The following MUC4 variants were observed in gnomAD, a reference collection of about 807,000 sequenced individuals.
MUC4 encodes the protein mucin 4, cell surface associated.
MUC4 carries 202 observed loss-of-function variants against 257.9 expected under a neutral mutation model. The observed-to-expected ratio is 0.78, with a 90% CI of 0.70 to 0.88. The LOEUF is 0.88. Among genes scored for constraint, MUC4 ranks in the 40% least tolerant of loss-of-function variants. The pLI is 0.00. For missense variants in MUC4, 5,976 were observed against 6,513.7 expected (o/e 0.92, Z 2.84); for synonymous variants, 2,351 against 2,757.1 (o/e 0.85, Z 4.62).
In MUC4 at chr3:195,780,121, C is replaced by A. The variant is rs749430077; in HGVS notation, c.11459G>T (p.Gly3820Val). ...GGTGACAGGAAGAGGGGTGGTGTCA[C>A]CTGTGGATACTGAGGAAAGGCTGGT... The part of the protein sequence containing the change: ...PVTSLSSVST[G>V]DTTPLPVTDA... The change falls in exon 2 of 25, where the codon GGT becomes GTT. Residue 3820 changes from glycine (G) to valine (V), a missense_variant. Physicochemically the swap from Gly to Val is moderately radical, Grantham distance 109. Transcript: ENST00000463781. The A allele has an allele frequency of 6.8e-7, 1 of 1,464,996 alleles. No individual in the cohort carries two copies. Among genetic ancestry groups the A allele is most frequent in the South Asian group, 1.2e-5 (1 of 80,452 alleles). The allele number at this position is 1,464,996 out of a possible 1,614,324, so 90.7% of individuals were successfully genotyped here. A position where few individuals can be genotyped will look rare whatever the true frequency, so the allele number is the denominator to read the frequency against.
Position 195,790,066 on chromosome 3 carries a change from A to G in MUC4, c.1514T>C (p.Leu505Pro), listed in dbSNP as rs1733667544. The G allele has an allele frequency of 6.2e-7, 1 of 1,614,048 alleles. No homozygotes were observed. The highest frequency in any genetic ancestry group is 8.5e-7 in the Non-Finnish European group (1 of 1,179,884). The change falls in exon 2 of 25, where the codon CTG (leucine) becomes CCG (proline). Residue 505 changes from leucine (L) to proline (P), a missense_variant. Physicochemically the swap from Leu to Pro is moderately conservative, Grantham distance 98 (BLOSUM62 -3). Around this residue, in one of 44 missense-constraint regions of MUC4, gnomAD observed 1,583 missense variants for 1,257.4 expected, o/e 1.26. Coordinates refer to ENST00000463781, the MANE Select transcript of MUC4 (RefSeq NM_018406.7). ...GGCAGCACCTGTTGATGTTGAGGGC[A>G]GTTCTGTTTGTGACCAAGTTGTGTG... ...KGHTTWSQTE[L>P]PSTSTGAATR...
At chr3:195,777,883 A>AGT (rs1725303216) in intron 3 of MUC4, among the ~76,000 whole-genome samples, 1 of 90,562 alleles carries the variant, frequency 1.1e-5, no homozygotes, top group Non-Finnish European at 2.6e-5. Flanking sequence ...TACCTTCCAC[A>AGT]CCCATACCTT....
intron 16 of MUC4, among the ~76,000 whole-genome samples, chr3:195,760,059 A>G (rs1375038586): frequency 6.6e-6 from 1 of 152,046 alleles, no homozygotes; most frequent in African/African-American, 2.4e-5. Context: ...GTTGCTTCAC[A>G]CATTCATTCA....
chr3:195,751,841 A>G (rs1716512578), intron 21 of MUC4: 1 of 193,210 alleles, frequency 5.2e-6, no homozygotes. Flanking sequence ...TTAAACGGTG[A>G]TACGGCCTGT....
At chr3:195,753,026 G>T (rs367944655) in intron 20 of MUC4, 25 bp downstream of exon 20, 25 of 1,600,660 alleles carry the variant, frequency 1.6e-5, no homozygotes, top group African/African-American at 2.7e-5. Flanking sequence ...GTGCGGGGGT[G>T]AGAGGGCGGG....
intron 22 of MUC4, 32 bp downstream of exon 22, chr3:195,751,175 C>A (rs1716357280): frequency 1.3e-6 from 2 of 1,555,612 alleles, no homozygotes; most frequent in Non-Finnish European, 1.7e-6. Flanking sequence ...AGGAAGAGAT[C>A]TGGGGGCTTA....
chr3:195,771,919 T>TTTAGAGATGCTAACAACCCC (rs1722964410), intron 4 of MUC4, 103 bp from the exon 5 acceptor site: 4 of 1,297,112 alleles, frequency 3.1e-6, no homozygotes. Context: ...AGGGTAGAGC[T>TTTAGAGATGCTAACAACCCC]TTAGAGATGC....
intron 1 of MUC4, among the ~76,000 whole-genome samples, chr3:195,797,684 T>C (rs1734733645): frequency 6.6e-6 from 1 of 152,240 alleles, no homozygotes; most frequent in African/African-American, 2.4e-5. Flanking sequence ...TACAGAAATG[T>C]GATTTTGGGT....
Position 195,781,539 on chromosome 3 carries a change from G to T in MUC4, c.10041C>A (p.Val3347=), listed in dbSNP as rs543845438. 2.0e-5 allele frequency: 26 copies of T among 1,332,564 alleles called. No individual in the cohort carries two copies. Among genetic ancestry groups the T allele is most frequent in the Non-Finnish European group, 2.2e-5 (22 of 982,152 alleles). The allele number at this position is 1,332,564 out of a possible 1,614,324, so 82.5% of individuals were successfully genotyped here. A position where few individuals can be genotyped will look rare whatever the true frequency, so the allele number is the denominator to read the frequency against. ...CTGTGGATACTGAGGAAGTGTCGGT[G>T]ACAGGCACAGGGGTGGTGTCACCTG... The part of the protein sequence containing the change: ...ASTGDTTPVP[V]TDTSSVSTGH... The change falls in exon 2 of 25, where the codon GTC becomes GTA. Residue 3347 remains valine, a synonymous_variant. Transcript: ENST00000463781.
At chr3:195,778,237 G>C (rs1725448621) in intron 3 of MUC4, 66 bp downstream of exon 3, 2 of 1,508,968 alleles carry the variant, frequency 1.3e-6, no homozygotes, top group African/African-American at 2.8e-5. Flanking sequence ...GTGGGAAGTA[G>C]GCTGAGAGGG....
At chr3:195,774,123 G>T in intron 4 of MUC4, 49 bp downstream of exon 4, 1 of 1,550,456 alleles carries the variant, frequency 6.4e-7, no homozygotes, top group Non-Finnish European at 8.7e-7. Flanking sequence ...GCAGGAGAGA[G>T]AAGTGGGCCC....
At chr3:195,758,383 G>T (rs1178178374) in intron 17 of MUC4, among the ~76,000 whole-genome samples, 1 of 152,076 alleles carries the variant, frequency 6.6e-6, no homozygotes, top group Non-Finnish European at 1.5e-5. Context: ...AGCAAGAAAG[G>T]TACCAAACGA....
rs775801273 is a variant in MUC4 at position 195,781,468 on chromosome 3, G to T, written c.10112C>A (p.Thr3371Lys). The change falls in exon 2 of 25, where the codon ACA (threonine) becomes AAA (lysine). Residue 3371 changes from threonine to lysine, a missense_variant. This residue lies in a region of MUC4 where 297 missense variants were observed against 240.9 expected (regional missense o/e 1.23). Coordinates refer to ENST00000463781, the MANE Select transcript of MUC4 (RefSeq NM_018406.7). Reference protein sequence around the residue: ...LPVTGLSSASTGDTTRLPVTD... With the variant: ...LPVTGLSSASKGDTTRLPVTD... The stretch of plus-strand genomic sequence containing the variant: ...GACAGGAAGACGGGTGGTGTCACCT[G>T]TGGAAGCTGAGGAAAGGCCGGTGAC... 1 of 1,542,626 alleles carries T rather than the reference G, an allele frequency of 6.5e-7. No homozygotes were observed. Among genetic ancestry groups the T allele is most frequent in the Admixed American group, 2.0e-5 (1 of 50,262 alleles).
In MUC4 at chr3:195,757,527, G is replaced by C. The variant is rs747197338; in HGVS notation, c.14987-199C>G. Among the ~76,000 whole-genome samples, 1 of 152,022 alleles carries C rather than the reference G, an allele frequency of 6.6e-6. No individual in the cohort carries two copies. Among genetic ancestry groups the C allele is most frequent in the African/African-American group, 2.4e-5 (1 of 41,382 alleles). Reference sequence around the variant, plus strand: ...TCCCAGCTGGAAGGACGTGGCACCAGTCCAACATACTGATTGTAGCGGGGA... The same window carrying C: ...TCCCAGCTGGAAGGACGTGGCACCACTCCAACATACTGATTGTAGCGGGGA... On this transcript the variant is annotated intron_variant, in intron 17 of 24. Transcript: ENST00000463781. This position sits in a 1 kb window ranked among gnomAD's most constrained non-coding sequence, Gnocchi z 4.8.
At chr3:195,767,847 TCGCCACCATCACCCCCAA>T (rs1721752158) in intron 7 of MUC4, among the ~76,000 whole-genome samples, 3 of 45,926 alleles carry the variant, frequency 6.5e-5, no homozygotes, top group Non-Finnish European at 1.4e-4. Flanking sequence ...ACCACCACCA[TCGCCACCATCACCCCCAA>T]CACCACCACC....
At position 195,789,905 on chromosome 3, in the gene MUC4, T is replaced by C. The variant is rs975163303; in HGVS notation, c.1675A>G (p.Thr559Ala). 6.2e-7 allele frequency: 1 copy of C among 1,613,510 alleles called. No individual in the cohort carries two copies. The change falls in exon 2 of 25, where the codon ACA (threonine) becomes GCA (alanine). Residue 559 changes from threonine (T) to alanine (A), a missense_variant. Thr to Ala is a moderately conservative substitution (Grantham distance 58). This residue lies in a region of MUC4 where 1,583 missense variants were observed against 1,257.4 expected (regional missense o/e 1.26). Coordinates refer to ENST00000463781, the MANE Select transcript of MUC4 (RefSeq NM_018406.7). The stretch of plus-strand genomic sequence containing the variant: ...CATTGTGTCTGGGCGCCTGCCCCTG[T>C]TGTTTTTGGGAGAGTTGTGCTGTGG... ...SSHSTTLPKTTGAGAQTQWTQ... is the reference protein window; with the variant it reads ...SSHSTTLPKTAGAGAQTQWTQ...
At chr3:195,753,305 C>T in intron 19 of MUC4, 75 bp from the exon 20 acceptor site, 1 of 1,452,490 alleles carries the variant, frequency 6.9e-7, no homozygotes, top group South Asian at 1.2e-5. Flanking sequence ...GAAACCCGCT[C>T]CGGGACAGGC....
At chr3:195,800,899 A>AG (rs1348421208) in intron 1 of MUC4, among the ~76,000 whole-genome samples, 2 of 151,862 alleles carry the variant, frequency 1.3e-5, no homozygotes, top group South Asian at 2.1e-4. Context: ...TGAAAAAAAA[A>AG]AAAAAAAAAA....
chr3:195,774,362 C>T (rs1723865926), intron 3 of MUC4, 57 bp from the exon 4 acceptor site: 13 of 1,472,260 alleles, frequency 8.8e-6, no homozygotes, highest in Non-Finnish European at 1.2e-5. Flanking sequence ...TTCTTTAGGG[C>T]TGAAAGGGAT....
Sources: allele counts gnomAD v4.1 joint callset (sites outside exome capture counted in the v4.1 genomes callset), GRCh38; gene constraint gnomAD v4.1.1; regional missense constraint gnomAD v4.1.1; non-coding constraint Gnocchi (gnomAD v3.1); transcripts MANE v1.5; gene names NCBI Gene and HGNC (gene_info 2026-07-23, HGNC 2026-07-21).